Variants in RABGAP1L observed in about 807,000 individuals in gnomAD.
RABGAP1L encodes the protein RAB GTPase activating protein 1 like, also known as rab GTPase-activating protein 1-like.
RABGAP1L carries 63 observed loss-of-function variants against 137.7 expected under a neutral mutation model. The ratio of observed to expected loss-of-function variants is 0.46; its 90% CI spans 0.37 to 0.56. RABGAP1L has a LOEUF of 0.56. Among genes scored for constraint, RABGAP1L ranks in the 20% least tolerant of loss-of-function variants. RABGAP1L has a pLI of 0.00. For synonymous variants in RABGAP1L, 431 were observed against 433.7 expected (o/e 0.99, Z 0.08); for missense variants, 1,095 against 1,244.0 (o/e 0.88, Z 1.80).
At chr1:174,176,430 C>CTTTA (rs1665855176) in intron 1 of RABGAP1L, among the ~76,000 whole-genome samples, 2 of 152,044 alleles carry the variant, frequency 1.3e-5, no homozygotes, top group Admixed American at 6.6e-5. Flanking sequence ...AGAAGTCAAG[C>CTTTA]TGGGCATGGT....
intron 4 of RABGAP1L, among the ~76,000 whole-genome samples, chr1:174,234,164 T>C (rs1053110491): frequency 1.4e-4 from 15 of 110,612 alleles, no homozygotes; most frequent in Non-Finnish European, 2.2e-4. Flanking sequence ...TTCTGGATAT[T>C]AGCCCTTTGT....
intron 12 of RABGAP1L, among the ~76,000 whole-genome samples, chr1:174,388,049 C>G (rs539423782): frequency 2.6e-5 from 4 of 152,014 alleles, no homozygotes; most frequent in Non-Finnish European, 4.4e-5. Flanking sequence ...TAGAAATTTC[C>G]TAAGTGTCGG....
At chr1:174,462,455 T>C (rs368240327) in intron 13 of RABGAP1L, among the ~76,000 whole-genome samples, 66 of 152,310 alleles carry the variant, frequency 4.3e-4, no homozygotes, top group Admixed American at 1.4e-3. Flanking sequence ...GCTCAGTTTT[T>C]CCAGCATTTC....
intron 13 of RABGAP1L, among the ~76,000 whole-genome samples, chr1:174,459,900 AT>A (rs1656478584): frequency 6.6e-6 from 1 of 152,112 alleles, no homozygotes; most frequent in Non-Finnish European, 1.5e-5. Flanking sequence ...GAAAAATTTT[AT>A]GTAAAATTGT....
At chr1:174,657,703 A>G (rs1335663766) in intron 14 of RABGAP1L, among the ~76,000 whole-genome samples, 1 of 152,206 alleles carries the variant, frequency 6.6e-6, no homozygotes, top group Non-Finnish European at 1.5e-5. Context: ...TGAATAAAGG[A>G]GTGCAGATAT....
chr1:174,614,231 G>A (rs1158435377), intron 13 of RABGAP1L, among the ~76,000 whole-genome samples: 1 of 152,032 alleles, frequency 6.6e-6, no homozygotes, highest in African/African-American at 2.4e-5. Context: ...CTTCCTTCAG[G>A]AGCTCTTTTA....
intron 19 of RABGAP1L, among the ~76,000 whole-genome samples, chr1:174,814,650 C>A (rs1690194496): frequency 6.6e-6 from 1 of 151,908 alleles, no homozygotes; most frequent in South Asian, 2.1e-4. Context: ...GAGATACTTA[C>A]CCTTACACTG....
intron 13 of RABGAP1L, among the ~76,000 whole-genome samples, chr1:174,618,759 C>T (rs1309895744): frequency 1.3e-5 from 2 of 152,160 alleles, no homozygotes; most frequent in Non-Finnish European, 2.9e-5. Context: ...AAACGCAGCT[C>T]CTCAGCAGCA....
At chr1:174,819,441 A>G (rs1236050553) in intron 19 of RABGAP1L, among the ~76,000 whole-genome samples, 3 of 152,188 alleles carry the variant, frequency 2.0e-5, no homozygotes. Flanking sequence ...GAGCAAAAGC[A>G]CATATGCTCT....
intron 10 of RABGAP1L, among the ~76,000 whole-genome samples, chr1:174,284,340 GT>G (rs763550649): frequency 3.9e-5 from 6 of 152,116 alleles, no homozygotes; most frequent in Non-Finnish European, 8.8e-5. Flanking sequence ...AGATCATACA[GT>G]ATTTGTCTTT....
At chr1:174,651,169 T>C (rs1474956890) in intron 14 of RABGAP1L, among the ~76,000 whole-genome samples, 1 of 151,994 alleles carries the variant, frequency 6.6e-6, no homozygotes, top group Non-Finnish European at 1.5e-5. Flanking sequence ...TAATCCTGAG[T>C]TCTAGTTTGA....
chr1:174,657,325 T>C (rs2148409405), intron 14 of RABGAP1L, among the ~76,000 whole-genome samples: 1 of 152,298 alleles, frequency 6.6e-6, no homozygotes, highest in South Asian at 2.1e-4. Context: ...TACAGTGCTA[T>C]AGAACACTAG....
chr1:174,546,259 A>G (rs1310377910), intron 13 of RABGAP1L, among the ~76,000 whole-genome samples: 1 of 152,218 alleles, frequency 6.6e-6, no homozygotes, highest in Non-Finnish European at 1.5e-5. Flanking sequence ...AGTATACTAT[A>G]ACCAAGTGGG....
chr1:174,525,727 G>A (rs1019961541), intron 13 of RABGAP1L, among the ~76,000 whole-genome samples: 2 of 152,016 alleles, frequency 1.3e-5, no homozygotes, highest in African/African-American at 4.8e-5. Context: ...GTAGAGGAAA[G>A]GCTTTCAACT....
chr1:174,625,229 G>A (rs567591600), intron 13 of RABGAP1L, among the ~76,000 whole-genome samples: 2 of 152,130 alleles, frequency 1.3e-5, no homozygotes, highest in East Asian at 3.9e-4. Flanking sequence ...TATGCTTAAT[G>A]TCTTTCTTCC....
intron 13 of RABGAP1L, among the ~76,000 whole-genome samples, chr1:174,527,247 G>A (rs368839994): frequency 2.9e-4 from 42 of 143,580 alleles, no homozygotes; most frequent in African/African-American, 1.1e-3. Context: ...TCTGTCTCCC[G>A]GAATGAAGTT....
intron 17 of RABGAP1L, among the ~76,000 whole-genome samples, chr1:174,712,566 G>GT (rs1463939529): frequency 6.6e-6 from 1 of 152,176 alleles, no homozygotes; most frequent in Non-Finnish European, 1.5e-5. Context: ...TTTAAGAACT[G>GT]TAACACTCAC....
At chr1:174,700,831 C>T in intron 16 of RABGAP1L, 2 of 206,622 alleles carry the variant, frequency 9.7e-6, no homozygotes, top group Non-Finnish European at 2.0e-5. Context: ...CGCTTTTTGC[C>T]TTTTATTTAC....
chr1:174,637,219 T>G (rs1215320762), intron 13 of RABGAP1L, among the ~76,000 whole-genome samples, 156 bp from the exon 14 acceptor site: 1 of 152,204 alleles, frequency 6.6e-6, no homozygotes, highest in Non-Finnish European at 1.5e-5. Flanking sequence ...AGCACTTATC[T>G]TGGGTATAGG....
Sources: allele counts gnomAD v4.1 joint callset (sites outside exome capture counted in the v4.1 genomes callset), GRCh38; gene constraint gnomAD v4.1.1; transcripts MANE v1.5; gene names NCBI Gene and HGNC (gene_info 2026-07-23, HGNC 2026-07-21).